The following FRMD6 variants were observed in gnomAD, a reference collection of about 807,000 sequenced individuals.
FRMD6 encodes FERM domain-containing protein 6.
A neutral mutation model predicts 73.2 loss-of-function variants in FRMD6; 37 were observed. That is an observed-to-expected ratio of 0.51 (90% CI 0.39 to 0.66). The LOEUF (loss-of-function observed/expected upper bound fraction) is 0.66. Among genes scored for constraint, FRMD6 ranks in the 30% least tolerant of loss-of-function variants. The pLI is 0.00. For missense variants in FRMD6, 714 were observed against 780.5 expected, an observed-to-expected ratio of 0.91 and a Z score of 1.02; for synonymous variants, 273 against 282.2, an observed-to-expected ratio of 0.97 and a Z score of 0.33.
At chr14:51,545,987 G>A (rs1483273906) in intron 1 of FRMD6, among the ~76,000 whole-genome samples, 9 of 151,808 alleles carry the variant, frequency 5.9e-5, no homozygotes, top group Admixed American at 6.6e-5. Flanking sequence ...AATGAAAATG[G>A]GATTATATCT....
the FRMD6 span, among the ~76,000 whole-genome samples, chr14:51,466,007 A>G: frequency 1.3e-5 from 2 of 152,200 alleles, no homozygotes; most frequent in Non-Finnish European, 2.9e-5. Context: ...TAATGGCTGT[A>G]TAAAATTTCA....
rs1202370920 is a variant in FRMD6 at position 51,531,865 on chromosome 14, T to C, written c.-209-38483T>C. 2.0e-5 allele frequency among the ~76,000 whole-genome samples: 3 copies of C among 152,266 alleles called. No homozygotes were observed. The East Asian group carries it at 5.8e-4, about 29-fold the overall frequency. On this transcript the variant is annotated intron_variant, in intron 1 of 14. Transcript: ENST00000356218. Reference sequence around the variant, plus strand: ...CATAAGTTGGCTATGGATATGAGACTGGCAAAAATCAACAAAAGCACTCTC... The same window carrying C: ...CATAAGTTGGCTATGGATATGAGACCGGCAAAAATCAACAAAAGCACTCTC...
intron 1 of FRMD6, among the ~76,000 whole-genome samples, chr14:51,526,785 G>A (rs1336390416): frequency 6.6e-6 from 1 of 152,170 alleles, no homozygotes; most frequent in Non-Finnish European, 1.5e-5. Context: ...CAGGCTTGCC[G>A]CTTTGCCTCT....
At chr14:51,510,023 C>A (rs1439965863) in intron 1 of FRMD6, among the ~76,000 whole-genome samples, 1 of 152,236 alleles carries the variant, frequency 6.6e-6, no homozygotes, top group Non-Finnish European at 1.5e-5. Context: ...TCAGGCCTAG[C>A]ACCCTAGGGC....
chr14:51,494,706 C>T (rs909083681), intron 1 of FRMD6, among the ~76,000 whole-genome samples: 1 of 152,148 alleles, frequency 6.6e-6, no homozygotes, highest in African/African-American at 2.4e-5. Context: ...ATTTTGGTGC[C>T]CTAATGGTAG....
intron 1 of FRMD6, among the ~76,000 whole-genome samples, chr14:51,684,640 C>A (rs865782518): frequency 3.0e-4 from 45 of 152,222 alleles, no homozygotes; most frequent in Middle Eastern, 3.4e-3. Flanking sequence ...GGGATTGTTA[C>A]AACTGATGGG....
intron 2 of FRMD6, among the ~76,000 whole-genome samples, chr14:51,618,214 T>A (rs1890788521): frequency 6.6e-6 from 1 of 152,146 alleles, no homozygotes; most frequent in Non-Finnish European, 1.5e-5. Context: ...GACATTTTAT[T>A]AAGGCCCAAG....
intron 1 of FRMD6, among the ~76,000 whole-genome samples, chr14:51,567,863 C>G (rs879371603): frequency 6.6e-6 from 1 of 152,194 alleles, no homozygotes; most frequent in Non-Finnish European, 1.5e-5. Context: ...TCTAATACTT[C>G]TTTTATAGCT....
intron 2 of FRMD6, among the ~76,000 whole-genome samples, chr14:51,641,845 G>GTCCCTCC (rs1891823999): frequency 6.6e-6 from 1 of 152,126 alleles, no homozygotes; most frequent in South Asian, 2.1e-4. Flanking sequence ...CAGTAGCACT[G>GTCCCTCC]TCCCTCCTCC....
At chr14:51,501,869 C>T (rs1398116919) in intron 1 of FRMD6, among the ~76,000 whole-genome samples, 1 of 152,162 alleles carries the variant, frequency 6.6e-6, no homozygotes, top group Non-Finnish European at 1.5e-5. Context: ...TTTTAATCTG[C>T]AACCTTGCCA....
the FRMD6 span, among the ~76,000 whole-genome samples, chr14:51,479,148 A>G: frequency 6.6e-6 from 1 of 152,198 alleles, no homozygotes; most frequent in Non-Finnish European, 1.5e-5. Context: ...TAACGTTTCA[A>G]GTGAGTGAGA....
chr14:51,466,497 T>G, the FRMD6 span, among the ~76,000 whole-genome samples: 88 of 152,362 alleles, frequency 5.8e-4, no homozygotes, highest in African/African-American at 2.0e-3. Flanking sequence ...CAGTACCATT[T>G]GTTGAAAAGC....
At chr14:51,474,375 TG>T in the FRMD6 span, among the ~76,000 whole-genome samples, 1 of 151,668 alleles carries the variant, frequency 6.6e-6, no homozygotes, top group African/African-American at 2.4e-5. Context: ...GAGGGTGGAG[TG>T]GTAGCAAAGT....
chr14:51,719,965 A>G (rs768305760), intron 10 of FRMD6, 90 bp from the exon 11 acceptor site: 2 of 936,506 alleles, frequency 2.1e-6, no homozygotes, highest in Non-Finnish European at 3.3e-6. Flanking sequence ...CTGAATTTGA[A>G]GTTATCCTTG....
chr14:51,573,847 C>T (rs917344180), intron 2 of FRMD6, among the ~76,000 whole-genome samples: 2 of 152,130 alleles, frequency 1.3e-5, no homozygotes, highest in African/African-American at 4.8e-5. Context: ...AGACCACAGG[C>T]TGGTTGTCTC....
chr14:51,520,432 C>T (rs1419002973), intron 1 of FRMD6, among the ~76,000 whole-genome samples: 1 of 152,126 alleles, frequency 6.6e-6, no homozygotes, highest in East Asian at 1.9e-4. Flanking sequence ...AATTCCTCTC[C>T]TAGATATTTC....
At chr14:51,687,054 C>A (rs7140349) in intron 1 of FRMD6, among the ~76,000 whole-genome samples, 59,505 of 151,966 alleles carry the variant, frequency 0.39, 11,791 homozygotes, top group African/African-American at 0.46. Flanking sequence ...GCTTTTATTA[C>A]ATTTGCTTCA....
chr14:51,496,308 G>A (rs1436143447), intron 1 of FRMD6, among the ~76,000 whole-genome samples: 1 of 152,186 alleles, frequency 6.6e-6, no homozygotes, highest in Admixed American at 6.5e-5. Context: ...GTGGAACGAA[G>A]CACCCCAAAA....
chr14:51,561,128 A>G (rs1459106054), intron 1 of FRMD6, among the ~76,000 whole-genome samples: 1 of 152,158 alleles, frequency 6.6e-6, no homozygotes, highest in African/African-American at 2.4e-5. Flanking sequence ...TTGCCCTTTG[A>G]ATCTAGGTAA....
Sources: gnomAD v4.1 joint callset for allele counts (sites outside exome capture counted in the v4.1 genomes callset) on GRCh38, gnomAD v4.1.1 for gene constraint, MANE v1.5 for transcripts, NCBI Gene and HGNC (gene_info 2026-07-23, HGNC 2026-07-21) for gene names.